Variants in PDZRN3 observed in about 807,000 individuals in gnomAD.
PDZRN3 encodes PDZ domain containing ring finger 3, also known as E3 ubiquitin-protein ligase PDZRN3.
PDZRN3 carries 38 observed loss-of-function variants against 85.7 expected under a neutral mutation model. The observed-to-expected ratio is 0.44, with a 90% CI of 0.34 to 0.58. PDZRN3 has a LOEUF of 0.58. Ranked by LOEUF, PDZRN3 falls within the 20% of genes least tolerant of loss-of-function variation. The probability of loss-of-function intolerance (pLI) is 0.01; values close to 1 mark genes in which losing one functional copy is unlikely to be tolerated. For synonymous variants in PDZRN3, 759 were observed against 638.0 expected (o/e 1.19, Z -2.86); for missense variants, 1,629 against 1,506.4 (o/e 1.08, Z -1.35).
At chr3:73,537,135 C>A (rs1206310611) in intron 3 of PDZRN3, among the ~76,000 whole-genome samples, 1 of 152,062 alleles carries the variant, frequency 6.6e-6, no homozygotes, top group Non-Finnish European at 1.5e-5. Flanking sequence ...AGAGTTCTGG[C>A]CAACAGAATG....
At chr3:73,495,164 C>G (rs1703844378) in intron 3 of PDZRN3, among the ~76,000 whole-genome samples, 1 of 152,184 alleles carries the variant, frequency 6.6e-6, no homozygotes, top group Non-Finnish European at 1.5e-5. Flanking sequence ...GTAACAATCA[C>G]TTTACCCTGA....
chr3:73,488,974 G>C (rs147565296), intron 3 of PDZRN3, among the ~76,000 whole-genome samples: 306 of 152,332 alleles, frequency 2.0e-3, no homozygotes, highest in African/African-American at 5.9e-3. Flanking sequence ...CAGTGCCACA[G>C]TGTGTTCGAT....
At chr3:73,547,797 G>C (rs1198172850) in intron 3 of PDZRN3, among the ~76,000 whole-genome samples, 1 of 152,228 alleles carries the variant, frequency 6.6e-6, no homozygotes, top group African/African-American at 2.4e-5. Flanking sequence ...AGATGGGTCA[G>C]GCCAGAGCCA....
At chr3:73,588,097 C>T (rs759707930) in intron 3 of PDZRN3, among the ~76,000 whole-genome samples, 5 of 152,166 alleles carry the variant, frequency 3.3e-5, no homozygotes, top group Non-Finnish European at 7.4e-5. Flanking sequence ...CCCTCCACCC[C>T]TCAACAGGCC....
At chr3:73,430,243 G>A (rs923376908) in intron 3 of PDZRN3, among the ~76,000 whole-genome samples, 13 of 152,136 alleles carry the variant, frequency 8.5e-5, no homozygotes, top group Non-Finnish European at 1.6e-4. Context: ...TCAGCATTGT[G>A]CCGGCACATA....
At chr3:73,464,937 G>A (rs981389458) in intron 3 of PDZRN3, among the ~76,000 whole-genome samples, 1 of 152,162 alleles carries the variant, frequency 6.6e-6, no homozygotes, top group African/African-American at 2.4e-5. Flanking sequence ...TAGTCATCAT[G>A]TTGTACAATA....
In PDZRN3 at chr3:73,562,999, ATATATATATATATATTTTT is replaced by A. The variant is rs1213388657; in HGVS notation, c.918+39336_918+39354del. Reference sequence around the variant, plus strand: ...GTTGGCAAATTATATATATATATATATATATATATATATATTTTTTTTTTTTTTTTTTTTTTTGAGACAG... The same window carrying A: ...GTTGGCAAATTATATATATATATATATTTTTTTTTTTTTTTTTTGAGACAG... On this transcript the variant is annotated intron_variant, in intron 3 of 9. Transcript: ENST00000263666. 9.2e-5 allele frequency among the ~76,000 whole-genome samples: 3 copies of A among 32,676 alleles called. 1 individual carries two copies. In the Admixed American group the frequency reaches 1.2e-3, roughly 13 times the overall value. The allele number at this position is 32,676 out of a possible 152,430, so 21.4% of individuals were successfully genotyped here.
intron 3 of PDZRN3, among the ~76,000 whole-genome samples, chr3:73,411,456 G>C (rs77956313): frequency 1.9e-3 from 294 of 152,306 alleles, no homozygotes; most frequent in African/African-American, 6.8e-3. Context: ...GTAGGCTGAG[G>C]TGTGAGCAAA....
At chr3:73,405,715 A>G (rs1701840848) in intron 3 of PDZRN3, among the ~76,000 whole-genome samples, 1 of 152,228 alleles carries the variant, frequency 6.6e-6, no homozygotes, top group Non-Finnish European at 1.5e-5. Flanking sequence ...GCATGTATTT[A>G]TAAATGTCAA....
intron 3 of PDZRN3, among the ~76,000 whole-genome samples, chr3:73,453,876 C>G (rs532010552): frequency 2.0e-4 from 31 of 152,226 alleles, no homozygotes; most frequent in Admixed American, 1.4e-3. Flanking sequence ...TGCCTCTTAT[C>G]CTTGTCCAAC....
intron 3 of PDZRN3, among the ~76,000 whole-genome samples, chr3:73,501,594 T>A (rs1048139013): frequency 1.3e-5 from 2 of 152,144 alleles, no homozygotes; most frequent in Admixed American, 6.5e-5. Context: ...TAAATAATAA[T>A]GTTGGAAAGA....
intron 5 of PDZRN3, among the ~76,000 whole-genome samples, chr3:73,393,182 C>G (rs1701563683): frequency 6.6e-6 from 1 of 151,978 alleles, no homozygotes; most frequent in African/African-American, 2.4e-5. Flanking sequence ...CCACGTGCAA[C>G]CCAAGCAGAG....
chr3:73,508,114 C>T (rs1484838337), intron 3 of PDZRN3, among the ~76,000 whole-genome samples: 1 of 152,002 alleles, frequency 6.6e-6, no homozygotes, highest in African/African-American at 2.4e-5. Flanking sequence ...GCAGCTATTA[C>T]CAGCCCTGTT....
chr3:73,558,574 C>T (rs1701749665), intron 3 of PDZRN3, among the ~76,000 whole-genome samples: 1 of 152,154 alleles, frequency 6.6e-6, no homozygotes, highest in East Asian at 1.9e-4. Flanking sequence ...GAGCAAACTC[C>T]CCTTCCTCCT....
intron 8 of PDZRN3, 47 bp downstream of exon 8, chr3:73,387,921 G>T: frequency 1.1e-6 from 1 of 908,476 alleles, no homozygotes; most frequent in Non-Finnish European, 1.7e-6. Context: ...GGGATCTTTT[G>T]ATTTTAGAAA....
chr3:73,405,437 C>T (rs566408415), intron 3 of PDZRN3, among the ~76,000 whole-genome samples: 1 of 152,196 alleles, frequency 6.6e-6, no homozygotes, highest in Non-Finnish European at 1.5e-5. Context: ...AGTCTGGTAA[C>T]ATCTTATGAT....
intron 6 of PDZRN3, among the ~76,000 whole-genome samples, chr3:73,390,110 C>T (rs1223197457): frequency 6.6e-6 from 1 of 152,192 alleles, no homozygotes; most frequent in African/African-American, 2.4e-5. Context: ...TGTTACACAG[C>T]AGTGTGTGCA....
At chr3:73,591,192 G>T (rs2106880008) in intron 3 of PDZRN3, among the ~76,000 whole-genome samples, 1 of 152,232 alleles carries the variant, frequency 6.6e-6, no homozygotes, top group East Asian at 1.9e-4. Context: ...GCTAAAGAAA[G>T]ATGAACTGTT....
At chr3:73,449,959 A>G (rs1702825771) in intron 3 of PDZRN3, among the ~76,000 whole-genome samples, 1 of 152,140 alleles carries the variant, frequency 6.6e-6, no homozygotes, top group Non-Finnish European at 1.5e-5. Context: ...AACCACCAAC[A>G]GCTGGGCAGC....
Sources: allele counts gnomAD v4.1 joint callset (sites outside exome capture counted in the v4.1 genomes callset), GRCh38; gene constraint gnomAD v4.1.1; transcripts MANE v1.5; gene names NCBI Gene and HGNC (gene_info 2026-07-23, HGNC 2026-07-21).